The following KLHL23 variants were observed in gnomAD, a reference collection of about 807,000 sequenced individuals.
KLHL23 encodes the protein kelch-like protein 23.
A neutral mutation model predicts 48.9 loss-of-function variants in KLHL23; 33 were observed. That is an observed-to-expected ratio of 0.67 (90% CI 0.51 to 0.90). The LOEUF (loss-of-function observed/expected upper bound fraction) is 0.90, where lower values mean the gene tolerates loss of function less well. Among genes scored for constraint, KLHL23 ranks in the 40% least tolerant of loss-of-function variants. The probability of loss-of-function intolerance (pLI) is 0.00; values close to 1 mark genes in which losing one functional copy is unlikely to be tolerated. For synonymous variants in KLHL23, 234 were observed against 231.6 expected (o/e 1.01, Z -0.09); for missense variants, 608 against 669.6 (o/e 0.91, Z 1.02).
chr2:169,736,793 C>A (rs756258029), intron 2 of KLHL23, among the ~76,000 whole-genome samples: 1 of 152,200 alleles, frequency 6.6e-6, no homozygotes, highest in Admixed American at 6.5e-5. Context: ...CCTTCTCTCC[C>A]ACTGGAAAAA....
In KLHL23 at chr2:169,747,389, T is replaced by TAAAAAAAAAAAAAAAAAAAAAAAAA. The variant is rs10690582; in HGVS notation, c.1367-2014_1367-2013insAAAAAAAAAAAAAAAAAAAAAAAAA. The stretch of plus-strand genomic sequence containing the variant: ...GGGAGACAGAGCGAGACTCTGTCTC[T>TAAAAAAAAAAAAAAAAAAAAAAAAA]AAAAAAAAAAAAAAAAAAACTGAGG... On this transcript the variant is annotated intron_variant, in intron 3 of 3. Coordinates refer to ENST00000392647, the MANE Select transcript of KLHL23 (RefSeq NM_144711.6). 1.3e-4 allele frequency among the ~76,000 whole-genome samples: 9 copies of TAAAAAAAAAAAAAAAAAAAAAAAAA among 69,232 alleles called. No homozygotes were observed. In the East Asian group the frequency reaches 1.8e-3, roughly 14 times the overall value. 45.4% of individuals were successfully genotyped at this position (69,232 alleles called of 152,430 possible).
At position 169,749,564 on chromosome 2, in the gene KLHL23, C is replaced by A. The variant is rs138496066; in HGVS notation, c.1509C>A (p.Ala503=). 2.5e-6 allele frequency: 4 copies of A among 1,613,762 alleles called. No homozygotes were observed. In the African/African-American group the frequency reaches 5.3e-5, roughly 22 times the overall value. Reference sequence around the variant, plus strand: ...TGGAAAGGAGGATGGAGTGCGGTGCCGTCATCATGAATGGATGTATTTATG... The same window carrying A: ...TGGAAAGGAGGATGGAGTGCGGTGCAGTCATCATGAATGGATGTATTTATG... ...PMMERRMECG[A]VIMNGCIYVT... The change falls in exon 4 of 4, where the codon GCC becomes GCA. Residue 503 remains alanine, a synonymous_variant. Coordinates refer to ENST00000392647, the MANE Select transcript of KLHL23 (RefSeq NM_144711.6).
Position 169,741,535 on chromosome 2 carries a change from C to T in KLHL23, c.1364C>T (p.Pro455Leu). The T allele has an allele frequency of 6.2e-7, 1 of 1,612,024 alleles. No individual in the cohort carries two copies. The highest frequency in any genetic ancestry group is 8.5e-7 in the Non-Finnish European group (1 of 1,178,806). ...EWSLITSSPH[P>L]EYGLCSVPFE... ...AGCCTCATCACCTCCAGTCCACATC[C>T]AGGTAACAAAAATACTGTCTCAAAT... The change falls in exon 3 of 4, where the codon CCA (proline) becomes CTA (leucine). Residue 455 changes from proline to leucine, a missense_variant and splice_region_variant. Physicochemically the swap from Pro to Leu is moderately conservative, Grantham distance 98 (BLOSUM62 -3). Coordinates refer to ENST00000392647, the MANE Select transcript of KLHL23 (RefSeq NM_144711.6).
intron 3 of KLHL23, among the ~76,000 whole-genome samples, chr2:169,748,923 TAACTG>T (rs1246795041): frequency 1.3e-5 from 2 of 152,046 alleles, no homozygotes; most frequent in African/African-American, 2.4e-5. Context: ...CTTGAGTTCA[TAACTG>T]GACTGGCAGT....
chr2:169,735,095 A>G lies in KLHL23; in HGVS notation c.81A>G (p.Arg27=), dbSNP rs1688478366. Residue 27 remains arginine (R), a synonymous_variant, in exon 2 of 4, where the codon AGA becomes AGG. Coordinates refer to ENST00000392647, the MANE Select transcript of KLHL23 (RefSeq NM_144711.6). This position sits in a 1 kb window ranked among gnomAD's most constrained non-coding sequence, Gnocchi z 4.5. ...CAGTGGATTTTCTGGATGCATTCAG[A>G]ACATTTTACTTGGATGGATTATTTA... The part of the protein sequence containing the change: ...THPVDFLDAF[R]TFYLDGLFTD... 1 of 1,606,368 alleles carries G rather than the reference A, an allele frequency of 6.2e-7. No individual in the cohort carries two copies. The highest frequency in any genetic ancestry group is 1.3e-5 in the African/African-American group (1 of 74,518).
chr2:169,737,181 C>T (rs758461906), intron 2 of KLHL23, among the ~76,000 whole-genome samples: 2 of 152,210 alleles, frequency 1.3e-5, no homozygotes, highest in Non-Finnish European at 2.9e-5. Context: ...ACAATATTAC[C>T]TAGTCTCGGA....
At position 169,735,008 on chromosome 2, in the gene KLHL23, T is replaced by A; in HGVS notation, c.-2-5T>A. On this transcript the variant is annotated splice_region_variant and splice_polypyrimidine_tract_variant and intron_variant, in intron 1 of 3. Coordinates refer to ENST00000392647, the MANE Select transcript of KLHL23 (RefSeq NM_144711.6). This position sits in a 1 kb window ranked among gnomAD's most constrained non-coding sequence, Gnocchi z 4.5. ...AACACATTTGTTATTTCATATTTAT[T>A]GCAGCCATGGCTCTAAAAGGACAAG... is the stretch of plus-strand genomic sequence containing the variant. 1.0e-5 allele frequency: 16 copies of A among 1,524,134 alleles called. No homozygotes were observed. Among genetic ancestry groups the A allele is most frequent in the Non-Finnish European group, 1.4e-5 (16 of 1,141,848 alleles). 94.4% of individuals were successfully genotyped at this position (1,524,134 alleles called of 1,614,324 possible). A position where few individuals can be genotyped will look rare whatever the true frequency, so the allele number is the denominator to read the frequency against.
chr2:169,744,343 T>C (rs1479962043), intron 3 of KLHL23, among the ~76,000 whole-genome samples: 1 of 152,172 alleles, frequency 6.6e-6, no homozygotes, highest in Non-Finnish European at 1.5e-5. Context: ...AGCTGGGCCT[T>C]AAAGAATGGC....
chr2:169,740,328 T>C (rs1269782260), intron 2 of KLHL23, among the ~76,000 whole-genome samples: 1 of 152,022 alleles, frequency 6.6e-6, no homozygotes, highest in African/African-American at 2.4e-5. Context: ...TCCAAGCTGG[T>C]CTCAAACTCC....
intron 3 of KLHL23, 46 bp downstream of exon 3, chr2:169,741,583 A>G: frequency 6.5e-7 from 1 of 1,548,914 alleles, no homozygotes; most frequent in Non-Finnish European, 8.8e-7. Context: ...GATGTAGTTT[A>G]GTAGCATAAA....
intron 2 of KLHL23, among the ~76,000 whole-genome samples, chr2:169,740,659 A>G (rs951792601): frequency 6.6e-6 from 1 of 150,716 alleles, no homozygotes; most frequent in Non-Finnish European, 1.5e-5. Context: ...CGTGTTAGCC[A>G]GGATGGTCTC....
rs1233409694 is a variant in KLHL23, at chr2:169,750,098, G to GTATA, written c.*367_*370dup. The GTATA allele has an allele frequency of 3.4e-4, 19 of 56,408 alleles. 3 individuals carry two copies. The highest frequency in any genetic ancestry group is 9.9e-4 in the African/African-American group (19 of 19,234). 3.5% of individuals were successfully genotyped at this position (56,408 alleles called of 1,614,324 possible). On this transcript the variant is annotated 3_prime_UTR_variant, in exon 4 of 4. Transcript: ENST00000392647. ...TACGTATGTATGTATACATATATGT[G>GTATA]TATACATATATATGTGTGTATATAT...
At chr2:169,743,180 A>C (rs6725295) in intron 3 of KLHL23, among the ~76,000 whole-genome samples, 119,634 of 152,050 alleles carry the variant, frequency 0.79, 47,742 homozygotes, top group Non-Finnish European at 0.85. Context: ...AATCCGATAC[A>C]TGAAAAGTCA....
At chr2:169,744,673 C>T (rs1348755728) in intron 3 of KLHL23, among the ~76,000 whole-genome samples, 1 of 151,822 alleles carries the variant, frequency 6.6e-6, no homozygotes, top group Admixed American at 6.6e-5. Context: ...ATTCTCCTGC[C>T]TCAACGTCCC....
intron 2 of KLHL23, 57 bp downstream of exon 2, chr2:169,736,284 GTC>G (rs1331744986): frequency 1.3e-6 from 2 of 1,523,568 alleles, no homozygotes; most frequent in Non-Finnish European, 1.7e-6. Context: ...TAGGCCAGCA[GTC>G]TCACTTCTCT....
intron 2 of KLHL23, chr2:169,741,018 C>G (rs946051506): frequency 1.2e-5 from 2 of 160,982 alleles, no homozygotes; most frequent in African/African-American, 4.8e-5. Context: ...TGGAATACCT[C>G]TTGAAGGACC....
In KLHL23 at chr2:169,741,463, G is replaced by T. The variant is rs749978683; in HGVS notation, c.1292G>T (p.Cys431Phe). The T allele has an allele frequency of 4.9e-5, 79 of 1,614,004 alleles. 3 individuals carry two copies. In the South Asian group the frequency reaches 8.0e-4, roughly 16 times the overall value. Residue 431 changes from cysteine to phenylalanine, a missense_variant, in exon 3 of 4, where the codon TGC becomes TTC. Around this residue, in one of 3 missense-constraint regions of KLHL23, gnomAD observed 179 missense variants for 169.9 expected, o/e 1.05. Transcript: ENST00000392647. Reference protein sequence around the residue: ...IGGHCGYRGSCTYDKVQSYNS... With the variant: ...IGGHCGYRGSFTYDKVQSYNS... ...GGCCACTGTGGCTACAGAGGAAGCTGCACCTATGACAAAGTTCAGAGCTAC... is the reference window on the plus strand; with the variant it reads ...GGCCACTGTGGCTACAGAGGAAGCTTCACCTATGACAAAGTTCAGAGCTAC...
intron 2 of KLHL23, among the ~76,000 whole-genome samples, chr2:169,738,865 CTCTTCCCCCTT>C (rs1688591213): frequency 1.2e-3 from 3 of 2,454 alleles, no homozygotes; most frequent in Non-Finnish European, 2.1e-3. Flanking sequence ...ACCCTCCCCT[CTCTTCCCCCTT>C]CCCCTCCCTC....
intron 2 of KLHL23, among the ~76,000 whole-genome samples, chr2:169,740,699 T>C (rs1421861730): frequency 6.7e-6 from 1 of 149,236 alleles, no homozygotes; most frequent in East Asian, 2.0e-4. Flanking sequence ...CCACCCACCT[T>C]GACCTCCCAA....
Sources: gnomAD v4.1 joint callset for allele counts (sites outside exome capture counted in the v4.1 genomes callset) on GRCh38, gnomAD v4.1.1 for gene constraint, gnomAD v4.1.1 regional missense constraint, Gnocchi (gnomAD v3.1) non-coding constraint, MANE v1.5 for transcripts, NCBI Gene and HGNC (gene_info 2026-07-23, HGNC 2026-07-21) for gene names.